The following EMP2 variants were observed in gnomAD, a reference collection of about 807,000 sequenced individuals.
The protein encoded by EMP2 is epithelial membrane protein 2.
A neutral mutation model predicts 13.7 loss-of-function variants in EMP2; 19 were observed. That is an observed-to-expected ratio of 1.38 (90% confidence interval 0.97 to 2.03). The LOEUF (loss-of-function observed/expected upper bound fraction) is 2.03. EMP2 is among the 30% of genes most tolerant of loss of function. The pLI, the probability that EMP2 is intolerant of heterozygous loss-of-function variation, is 0.00. For synonymous variants in EMP2, 97 were observed against 84.7 expected, an observed-to-expected ratio of 1.15 and a Z score of -0.80; for missense variants, 253 against 220.7, an observed-to-expected ratio of 1.15 and a Z score of -0.93.
At chr16:10,540,424 T>C (rs9927707) in intron 3 of EMP2, among the ~76,000 whole-genome samples, 52,016 of 151,744 alleles carry the variant, frequency 0.34, 10,480 homozygotes, top group African/African-American at 0.56. Context: ...GAGGATGGCT[T>C]GAACCCAGAA....
At chr16:10,539,014 C>T (rs1002647921) in intron 3 of EMP2, among the ~76,000 whole-genome samples, 3 of 151,982 alleles carry the variant, frequency 2.0e-5, no homozygotes, top group Non-Finnish European at 2.9e-5. Flanking sequence ...CGCTATGTTG[C>T]TCACGGTGGT....
chr16:10,571,548 C>A (rs1403824328), intron 1 of EMP2, among the ~76,000 whole-genome samples: 2 of 152,118 alleles, frequency 1.3e-5, no homozygotes, highest in African/African-American at 2.4e-5. Flanking sequence ...CATGTAAGGC[C>A]TGGTTTTTGC....
intron 4 of EMP2, among the ~76,000 whole-genome samples, chr16:10,536,884 G>C (rs749399828): frequency 1.3e-5 from 2 of 152,190 alleles, no homozygotes; most frequent in African/African-American, 2.4e-5. Context: ...GCCTCCCAAA[G>C]TGCTCCTGCA....
intron 3 of EMP2, among the ~76,000 whole-genome samples, chr16:10,538,838 C>T (rs1387083389): frequency 6.6e-6 from 1 of 152,096 alleles, no homozygotes; most frequent in African/African-American, 2.4e-5. Context: ...TTTTTTGAGA[C>T]AGGGTCTCAC....
At chr16:10,557,318 C>T (rs1315175458) in intron 1 of EMP2, among the ~76,000 whole-genome samples, 2 of 149,494 alleles carry the variant, frequency 1.3e-5, no homozygotes, top group African/African-American at 2.5e-5. Flanking sequence ...GATCCCACCA[C>T]TGCACTCCAG....
At chr16:10,579,586 T>C (rs1336894606) in intron 1 of EMP2, among the ~76,000 whole-genome samples, 1 of 152,118 alleles carries the variant, frequency 6.6e-6, no homozygotes, top group Non-Finnish European at 1.5e-5. Flanking sequence ...ACTTTCTGTC[T>C]ATAAAATTTG....
At chr16:10,567,723 C>T (rs531372190) in intron 1 of EMP2, among the ~76,000 whole-genome samples, 5 of 152,268 alleles carry the variant, frequency 3.3e-5, no homozygotes, top group East Asian at 1.9e-4. Context: ...CTGCCAGGGC[C>T]GTAACACCCT....
intron 1 of EMP2, among the ~76,000 whole-genome samples, chr16:10,555,484 T>A (rs2142192842): frequency 6.6e-6 from 1 of 152,336 alleles, no homozygotes; most frequent in East Asian, 1.9e-4. Flanking sequence ...TGTTTTGATC[T>A]ACATAAAATG....
chr16:10,538,294 C>T (rs2050666825), intron 3 of EMP2, among the ~76,000 whole-genome samples: 2 of 152,208 alleles, frequency 1.3e-5, no homozygotes, highest in Non-Finnish European at 2.9e-5. Flanking sequence ...ATCCTCGACC[C>T]CTTATCTGGA....
chr16:10,543,651 C>T lies in EMP2; in HGVS notation c.88G>A (p.Val30Ile), dbSNP rs1324116984. ...FIATVDNAWWVGDEFFADVWR... is the reference protein window; with the variant it reads ...FIATVDNAWWIGDEFFADVWR... ...ACATCTGCAAAAAACTCATCTCCTA[C>T]CCACCAGGCCTGTAACACAAAATGG... is the stretch of plus-strand genomic sequence containing the variant. The change falls in exon 3 of 5, where the codon GTA (valine) becomes ATA (isoleucine). Residue 30 changes from valine (V) to isoleucine (I), a missense_variant. Val to Ile is a conservative substitution (Grantham distance 29, BLOSUM62 3). Transcript: ENST00000359543. The T allele has an allele frequency of 6.2e-7, 1 of 1,614,174 alleles. No individual in the cohort carries two copies.
At chr16:10,577,544 C>T (rs1400911648) in intron 1 of EMP2, among the ~76,000 whole-genome samples, 4 of 152,150 alleles carry the variant, frequency 2.6e-5, no homozygotes, top group Non-Finnish European at 5.9e-5. Flanking sequence ...GGGGAGACTG[C>T]TCTGCCTGTC....
chr16:10,579,711 CA>C (rs1567213052), intron 1 of EMP2, among the ~76,000 whole-genome samples: 1 of 34,126 alleles, frequency 2.9e-5, no homozygotes, highest in Non-Finnish European at 1.2e-4. Context: ...TCAAGGTGCA[CA>C]CACACACACA....
intron 1 of EMP2, among the ~76,000 whole-genome samples, chr16:10,552,180 C>T (rs878965981): frequency 2.7e-5 from 4 of 150,550 alleles, no homozygotes; most frequent in Admixed American, 2.0e-4. Flanking sequence ...GCTCATGTAC[C>T]ACGCTGAATG....
chr16:10,575,237 CTTTTTTTTTTTTTTTTTTTTTT>C (rs761837614), intron 1 of EMP2, among the ~76,000 whole-genome samples: 3 of 52,500 alleles, frequency 5.7e-5, no homozygotes, highest in Non-Finnish European at 1.1e-4. Flanking sequence ...AGCTTGCATT[CTTTTTTTTTTTTTTTTTTTTTT>C]TTTTTTTTTT....
At chr16:10,562,378 C>CTCTATCTA (rs1555460306) in intron 1 of EMP2, among the ~76,000 whole-genome samples, 28 of 135,484 alleles carry the variant, frequency 2.1e-4, no homozygotes, top group African/African-American at 6.0e-4. Flanking sequence ...CTCTCTCTCT[C>CTCTATCTA]TCTATCTATC....
At chr16:10,549,066 T>C (rs867425333) in intron 1 of EMP2, among the ~76,000 whole-genome samples, 1 of 152,182 alleles carries the variant, frequency 6.6e-6, no homozygotes, top group Non-Finnish European at 1.5e-5. Flanking sequence ...TCCCTCTCCC[T>C]AAGGAGGTAG....
rs957481580 is a variant in EMP2 at position 10,532,951 on chromosome 16, G to C, written c.458C>G (p.Thr153Ser). The change falls in exon 5 of 5, where the codon ACC becomes AGC. Residue 153 changes from threonine (T) to serine (S), a missense_variant. Coordinates refer to ENST00000359543, the MANE Select transcript of EMP2 (RefSeq NM_001424.6). ...YILAWVAFACTFISGMMYLIL... is the reference protein window; with the variant it reads ...YILAWVAFACSFISGMMYLIL... ...CAGGTACATCATGCCGCTGATGAAG[G>C]TGCAGGCGAAGGCCACCCACGCCAG... 3 of 1,605,430 alleles carry C rather than the reference G, an allele frequency of 1.9e-6. No individual in the cohort carries two copies. Among genetic ancestry groups the C allele is most frequent in the African/African-American group, 2.7e-5 (2 of 74,694 alleles).
At chr16:10,551,002 T>G (rs933774240) in intron 1 of EMP2, among the ~76,000 whole-genome samples, 1 of 151,790 alleles carries the variant, frequency 6.6e-6, no homozygotes, top group Non-Finnish European at 1.5e-5. Context: ...AGAAGTGATA[T>G]TTGATAAAAT....
rs118130165 is a variant in EMP2, at chr16:10,544,017, G to C, written c.79-357C>G. On this transcript the variant is annotated intron_variant, in intron 2 of 4. Coordinates refer to ENST00000359543, the MANE Select transcript of EMP2 (RefSeq NM_001424.6). Reference sequence around the variant, plus strand: ...TGGGACTACAGGTGCACATCACCACGCCTACTTTTTGTATTTTTTGTAGAG... The same window carrying C: ...TGGGACTACAGGTGCACATCACCACCCCTACTTTTTGTATTTTTTGTAGAG... Among the ~76,000 whole-genome samples, 45 of 151,996 alleles carry C rather than the reference G, an allele frequency of 3.0e-4. No individual in the cohort carries two copies. In the East Asian group the frequency reaches 8.3e-3, roughly 28 times the overall value.
Sources: allele counts gnomAD v4.1 joint callset (sites outside exome capture counted in the v4.1 genomes callset), GRCh38; gene constraint gnomAD v4.1.1; transcripts MANE v1.5; gene names NCBI Gene and HGNC (gene_info 2026-07-23, HGNC 2026-07-21).